LDLRAD3: variants seen among roughly 807,000 people sequenced by gnomAD.
The protein encoded by LDLRAD3 is low-density lipoprotein receptor class A domain-containing protein 3.
In LDLRAD3, 20 loss-of-function variants were observed where a neutral mutation model predicts 29.4. The observed-to-expected ratio is 0.68, with a 90% CI of 0.48 to 0.99. LDLRAD3 has a LOEUF of 0.99. Among genes scored for constraint, LDLRAD3 ranks in the 50% least tolerant of loss-of-function variants. The pLI, the probability that LDLRAD3 is intolerant of heterozygous loss-of-function variation, is 0.00. For synonymous variants in LDLRAD3, 157 were observed against 192.7 expected, an observed-to-expected ratio of 0.81 and a Z score of 1.53; for missense variants, 420 against 454.3, an observed-to-expected ratio of 0.92 and a Z score of 0.69.
At chr11:35,957,656 C>G (rs1017884141) in intron 1 of LDLRAD3, among the ~76,000 whole-genome samples, 3 of 151,758 alleles carry the variant, frequency 2.0e-5, no homozygotes, top group Non-Finnish European at 4.4e-5. Context: ...AAAAATTAGC[C>G]GGGCACAGTG....
chr11:35,989,158 C>G (rs1851656183), intron 1 of LDLRAD3, among the ~76,000 whole-genome samples: 1 of 152,080 alleles, frequency 6.6e-6, no homozygotes, highest in Admixed American at 6.5e-5. Context: ...TTTTTGTCGA[C>G]TTTGTAAAAG....
At position 36,098,348 on chromosome 11, in the gene LDLRAD3, C is replaced by G; in HGVS notation, c.341C>G (p.Ser114Cys). 1 of 1,614,162 alleles carries G rather than the reference C, an allele frequency of 6.2e-7. No individual in the cohort carries two copies. Among genetic ancestry groups the G allele is most frequent in the Non-Finnish European group, 8.5e-7 (1 of 1,180,042 alleles). Residue 114 changes from serine to cysteine, a missense_variant, in exon 4 of 6, where the codon TCC (serine) becomes TGC (cysteine). Around this residue, in one of 3 missense-constraint regions of LDLRAD3, gnomAD observed 224 missense variants for 222.2 expected, o/e 1.01. Coordinates refer to ENST00000315571, the MANE Select transcript of LDLRAD3 (RefSeq NM_174902.4). ...ENCTANPLLC[S>C]TARYHCKNGL... ...GCAGCAGCAAACCCTCTGCTTTGCT[C>G]CACCGCCCGCTACCACTGCAAGAAC...
At chr11:36,081,845 G>C in intron 3 of LDLRAD3, 67 bp downstream of exon 3, 1 of 1,590,790 alleles carries the variant, frequency 6.3e-7, no homozygotes, top group African/African-American at 1.3e-5. Context: ...TGTCCACATT[G>C]GTCACCCTCA....
At chr11:36,054,049 A>C (rs2133225954) in intron 2 of LDLRAD3, among the ~76,000 whole-genome samples, 1 of 152,332 alleles carries the variant, frequency 6.6e-6, no homozygotes, top group East Asian at 1.9e-4. Context: ...TGGCAAGTGT[A>C]AACGATTATG....
chr11:36,214,514 T>C (rs1855326398), intron 4 of LDLRAD3, among the ~76,000 whole-genome samples: 1 of 152,216 alleles, frequency 6.6e-6, no homozygotes, highest in Admixed American at 6.5e-5. Flanking sequence ...TGAACATGTG[T>C]TTTCTCTATA....
intron 2 of LDLRAD3, among the ~76,000 whole-genome samples, chr11:36,047,406 A>G (rs927609172): frequency 1.3e-5 from 2 of 151,858 alleles, no homozygotes; most frequent in African/African-American, 4.8e-5. Flanking sequence ...TTTTCCCCAC[A>G]TTTTTCAATG....
intron 2 of LDLRAD3, among the ~76,000 whole-genome samples, chr11:36,040,299 A>AT (rs528198757): frequency 1.4e-3 from 213 of 147,774 alleles, no homozygotes; most frequent in East Asian, 4.4e-3. Flanking sequence ...AGACAGGAAG[A>AT]TTTTTTTTTT....
intron 4 of LDLRAD3, among the ~76,000 whole-genome samples, chr11:36,178,331 C>A (rs1380261538): frequency 6.6e-6 from 1 of 152,234 alleles, no homozygotes; most frequent in African/African-American, 2.4e-5. Flanking sequence ...CTGTTCCCCT[C>A]CCCGCCGCCA....
At position 36,098,273 on chromosome 11, in the gene LDLRAD3, C is replaced by G. The variant is rs374990316; in HGVS notation, c.320-54C>G. 2.5e-6 allele frequency: 4 copies of G among 1,606,646 alleles called. No homozygotes were observed. In the African/African-American group the frequency reaches 5.3e-5, roughly 21 times the overall value. On this transcript the variant is annotated intron_variant, in intron 3 of 5. Transcript: ENST00000315571. ...GCCAGGCTGGAAGAAGTTCCAGGGT[C>G]CCCAAGGGAACTTGCTGGCCTCCCT...
intron 1 of LDLRAD3, among the ~76,000 whole-genome samples, chr11:35,956,566 G>A (rs1358408788): frequency 6.6e-6 from 1 of 152,172 alleles, no homozygotes; most frequent in African/African-American, 2.4e-5. Flanking sequence ...GCTTTAGAGT[G>A]AGTCAGTCTG....
At chr11:35,991,111 C>T (rs927096581) in intron 1 of LDLRAD3, among the ~76,000 whole-genome samples, 2 of 152,216 alleles carry the variant, frequency 1.3e-5, no homozygotes, top group Admixed American at 6.5e-5. Flanking sequence ...AGAGCATTTT[C>T]TGTTGTTTGG....
In LDLRAD3 at chr11:36,117,782, G is replaced by A. The variant is rs139647588; in HGVS notation, c.454+19321G>A. Among the ~76,000 whole-genome samples the A allele has an allele frequency of 5.9e-3, 903 of 152,314 alleles. 8 individuals carry two copies. Among genetic ancestry groups the A allele is most frequent in the African/African-American group, 0.02 (852 of 41,568 alleles). ...TGATGCCTTAAATGGTGGCTTCTCC[G>A]CTATGCCAATCCTTCAGCTCCTAAT... On this transcript the variant is annotated intron_variant, in intron 4 of 5. Transcript: ENST00000315571.
At chr11:36,070,377 A>G (rs1369220420) in intron 2 of LDLRAD3, among the ~76,000 whole-genome samples, 3 of 152,174 alleles carry the variant, frequency 2.0e-5, no homozygotes, top group Non-Finnish European at 4.4e-5. Flanking sequence ...GTGAAGCAGA[A>G]TTTGTATCTT....
At chr11:35,972,963 G>T (rs1466250952) in intron 1 of LDLRAD3, among the ~76,000 whole-genome samples, 2 of 146,394 alleles carry the variant, frequency 1.4e-5, no homozygotes, top group Admixed American at 1.4e-4. Flanking sequence ...TGAGACAGGA[G>T]AATCACTTGA....
intron 1 of LDLRAD3, among the ~76,000 whole-genome samples, chr11:36,001,506 T>C (rs2133178124): frequency 6.6e-6 from 1 of 152,344 alleles, no homozygotes; most frequent in East Asian, 1.9e-4. Context: ...AAAAATCTTT[T>C]AATCTAATAA....
At chr11:36,044,267 T>C (rs1852419373) in intron 2 of LDLRAD3, among the ~76,000 whole-genome samples, 2 of 152,148 alleles carry the variant, frequency 1.3e-5, no homozygotes, top group African/African-American at 4.8e-5. Flanking sequence ...TAGTAAGTGC[T>C]GTGTGCAGGC....
At chr11:36,100,035 A>G (rs1031032025) in intron 4 of LDLRAD3, among the ~76,000 whole-genome samples, 1 of 152,010 alleles carries the variant, frequency 6.6e-6, no homozygotes, top group Non-Finnish European at 1.5e-5. Context: ...TTCAGGCGCC[A>G]TTCTAGACCA....
chr11:35,964,988 CAA>C (rs368598047), intron 1 of LDLRAD3, among the ~76,000 whole-genome samples: 5 of 137,452 alleles, frequency 3.6e-5, no homozygotes, highest in Admixed American at 7.3e-5. Flanking sequence ...AGACTGTCTC[CAA>C]AAAAAAAAAA....
At chr11:36,080,275 C>A (rs1349106567) in intron 2 of LDLRAD3, among the ~76,000 whole-genome samples, 1 of 152,204 alleles carries the variant, frequency 6.6e-6, no homozygotes, top group East Asian at 1.9e-4. Context: ...CAAGCCGGAG[C>A]ACCAGAACCA....
Sources: allele counts gnomAD v4.1 joint callset (sites outside exome capture counted in the v4.1 genomes callset), GRCh38; gene constraint gnomAD v4.1.1; regional missense constraint gnomAD v4.1.1; transcripts MANE v1.5; gene names NCBI Gene and HGNC (gene_info 2026-07-23, HGNC 2026-07-21).